Variants in NKAIN2 observed in about 807,000 individuals in gnomAD.
NKAIN2 encodes the protein sodium/potassium-transporting ATPase subunit beta-1-interacting protein 2.
A neutral mutation model predicts 32.6 loss-of-function variants in NKAIN2; 14 were observed. The observed-to-expected ratio is 0.43, with a 90% CI of 0.28 to 0.67. NKAIN2 has a LOEUF of 0.67. NKAIN2 is among the 30% of genes least tolerant of loss of function. The pLI, the probability that NKAIN2 is intolerant of heterozygous loss-of-function variation, is 0.17. For synonymous variants in NKAIN2, 80 were observed against 87.2 expected, an observed-to-expected ratio of 0.92 and a Z score of 0.46; for missense variants, 198 against 258.3, an observed-to-expected ratio of 0.77 and a Z score of 1.60.
At chr6:124,398,312 T>TCATTTGC (rs1205059912) in intron 3 of NKAIN2, among the ~76,000 whole-genome samples, 1 of 140,094 alleles carries the variant, frequency 7.1e-6, no homozygotes, top group African/African-American at 2.7e-5. Context: ...ATCTCAAATC[T>TCATTTGC]CATTTGCCTT....
At chr6:124,781,389 A>C (rs761001921) in intron 4 of NKAIN2, among the ~76,000 whole-genome samples, 1 of 152,150 alleles carries the variant, frequency 6.6e-6, no homozygotes, top group Non-Finnish European at 1.5e-5. Context: ...ATGTTACCAC[A>C]TGCCCAGAAT....
intron 6 of NKAIN2, among the ~76,000 whole-genome samples, chr6:124,821,294 C>CAAA (rs11320821): frequency 1.1e-4 from 10 of 88,866 alleles, no homozygotes; most frequent in African/African-American, 4.2e-4. Context: ...GGCTCTGTCT[C>CAAA]AAAAAAAAAA....
intron 3 of NKAIN2, among the ~76,000 whole-genome samples, chr6:124,429,118 A>G (rs1215125031): frequency 6.6e-6 from 1 of 151,822 alleles, no homozygotes; most frequent in African/African-American, 2.4e-5. Flanking sequence ...GCTCACTGCA[A>G]CCTCTGCCTG....
chr6:124,079,930 C>T (rs1023452933), intron 1 of NKAIN2, among the ~76,000 whole-genome samples: 3 of 143,844 alleles, frequency 2.1e-5, no homozygotes, highest in Non-Finnish European at 3.0e-5. Flanking sequence ...TGGGGGGTGG[C>T]ATTTGGATGG....
chr6:124,784,542 TGTTGCATGTATCA>T (rs1173679867), intron 4 of NKAIN2, among the ~76,000 whole-genome samples: 2 of 152,162 alleles, frequency 1.3e-5, no homozygotes, highest in Non-Finnish European at 2.9e-5. Context: ...TCATGCAGGC[TGTTGCATGTATCA>T]GTCATCCCTT....
At chr6:124,241,938 C>A (rs1793122540) in intron 1 of NKAIN2, among the ~76,000 whole-genome samples, 1 of 151,938 alleles carries the variant, frequency 6.6e-6, no homozygotes, top group Admixed American at 6.6e-5. Flanking sequence ...AGACCTAAAA[C>A]CATAAAAACC....
chr6:123,866,175 T>C (rs1286274520), intron 1 of NKAIN2, among the ~76,000 whole-genome samples: 1 of 152,176 alleles, frequency 6.6e-6, no homozygotes, highest in African/African-American at 2.4e-5. Flanking sequence ...TTATTTAGTT[T>C]TCTCTCCCCT....
At position 124,818,079 on chromosome 6, in the gene NKAIN2, T is replaced by TAG. The variant is rs1440642685; in HGVS notation, c.536-306_536-305dup. On this transcript the variant is annotated intron_variant, in intron 5 of 6. Coordinates refer to ENST00000368417, the MANE Select transcript of NKAIN2 (RefSeq NM_001040214.3). ...AAAGGCATATAGCATCTCTATTGTG[T>TAG]AGATGAATTCTATTACTCCAATTAG... is the stretch of plus-strand genomic sequence containing the variant. Among the ~76,000 whole-genome samples the TAG allele has an allele frequency of 6.6e-5, 10 of 152,196 alleles. No homozygotes were observed. In the South Asian group the frequency reaches 1.2e-3, roughly 19 times the overall value.
At chr6:123,907,815 G>A (rs191175682) in intron 1 of NKAIN2, among the ~76,000 whole-genome samples, 44 of 152,092 alleles carry the variant, frequency 2.9e-4, no homozygotes, top group African/African-American at 5.3e-4. Flanking sequence ...GTTGCATGTC[G>A]GGAAATCCTT....
chr6:124,226,904 A>C (rs1792142370), intron 1 of NKAIN2, among the ~76,000 whole-genome samples: 1 of 152,126 alleles, frequency 6.6e-6, no homozygotes. Context: ...TTTTTGTGAA[A>C]AGCACTTAAC....
At chr6:124,720,116 T>A (rs1161186147) in intron 4 of NKAIN2, among the ~76,000 whole-genome samples, 2 of 152,192 alleles carry the variant, frequency 1.3e-5, no homozygotes, top group Non-Finnish European at 2.9e-5. Flanking sequence ...TAAAATGGCA[T>A]AATTTTAGCT....
At chr6:123,916,519 C>T (rs897039713) in intron 1 of NKAIN2, among the ~76,000 whole-genome samples, 6 of 152,122 alleles carry the variant, frequency 3.9e-5, no homozygotes, top group Admixed American at 3.9e-4. Context: ...CTGCCTCGGC[C>T]TCCCAAGTGG....
At chr6:124,390,055 A>C (rs1462226301) in intron 3 of NKAIN2, among the ~76,000 whole-genome samples, 1 of 152,078 alleles carries the variant, frequency 6.6e-6, no homozygotes, top group Non-Finnish European at 1.5e-5. Flanking sequence ...CAGTAGACTT[A>C]ATAGGTATTC....
At chr6:124,217,804 C>T (rs1263145998) in intron 1 of NKAIN2, among the ~76,000 whole-genome samples, 5 of 122,020 alleles carry the variant, frequency 4.1e-5, no homozygotes, top group Non-Finnish European at 5.8e-5. Context: ...CACACATATA[C>T]ACACACACAC....
intron 2 of NKAIN2, among the ~76,000 whole-genome samples, chr6:124,328,162 T>C (rs1398266699): frequency 6.6e-6 from 1 of 152,206 alleles, no homozygotes; most frequent in Non-Finnish European, 1.5e-5. Context: ...AGTAACAGCC[T>C]GGATGTACTA....
chr6:124,359,168 T>C (rs1357401102), intron 3 of NKAIN2, among the ~76,000 whole-genome samples: 1 of 152,218 alleles, frequency 6.6e-6, no homozygotes, highest in Non-Finnish European at 1.5e-5. Context: ...CTGTTTTGGT[T>C]ACTGTAGCCT....
chr6:124,463,174 G>A (rs936050325), intron 3 of NKAIN2, among the ~76,000 whole-genome samples: 1 of 152,026 alleles, frequency 6.6e-6, no homozygotes, highest in African/African-American at 2.4e-5. Context: ...GTATGTGTGT[G>A]TGTTCCATTT....
chr6:124,452,258 A>T (rs989584766), intron 3 of NKAIN2, among the ~76,000 whole-genome samples: 32 of 151,804 alleles, frequency 2.1e-4, no homozygotes, highest in African/African-American at 7.7e-4. Flanking sequence ...ATATTGAAAT[A>T]AAAGGGGTAT....
In NKAIN2 at chr6:124,017,893, C is replaced by T. The variant is rs189153358; in HGVS notation, c.54+213639C>T. ...ATCCTGGGGTCTGGAGGACAGTGGCCCTCTTCTCACAGCTCCACTAGTCAG... is the reference window on the plus strand; with the variant it reads ...ATCCTGGGGTCTGGAGGACAGTGGCTCTCTTCTCACAGCTCCACTAGTCAG... On this transcript the variant is annotated intron_variant, in intron 1 of 6. Transcript: ENST00000368417. Among the ~76,000 whole-genome samples, 75 of 152,204 alleles carry T rather than the reference C, an allele frequency of 4.9e-4. 2 individuals are homozygous for T. The East Asian group carries it at 0.013, about 27-fold the overall frequency.
Sources: gnomAD v4.1 joint callset for allele counts (sites outside exome capture counted in the v4.1 genomes callset) on GRCh38, gnomAD v4.1.1 for gene constraint, MANE v1.5 for transcripts, NCBI Gene and HGNC (gene_info 2026-07-23, HGNC 2026-07-21) for gene names.